Variants in AUTS2 observed in about 807,000 individuals in gnomAD.
The protein encoded by AUTS2 is activator of transcription and developmental regulator AUTS2, also known as autism susceptibility gene 2 protein.
A neutral mutation model predicts 112.4 loss-of-function variants in AUTS2; 17 were observed. That is an observed-to-expected ratio of 0.15 (90% CI 0.10 to 0.23). The LOEUF (loss-of-function observed/expected upper bound fraction) is 0.23, where lower values mean the gene tolerates loss of function less well. Among genes scored for constraint, AUTS2 ranks in the 10% least tolerant of loss-of-function variants. The probability of loss-of-function intolerance (pLI) is 1.00; values close to 1 mark genes in which losing one functional copy is unlikely to be tolerated. For synonymous variants in AUTS2, 751 were observed against 702.7 expected (o/e 1.07, Z -1.09); for missense variants, 1,510 against 1,701.6 (o/e 0.89, Z 1.98).
At chr7:70,657,354 GC>G (rs1806826600) in intron 5 of AUTS2, among the ~76,000 whole-genome samples, 1 of 152,194 alleles carries the variant, frequency 6.6e-6, no homozygotes, top group African/African-American at 2.4e-5. Flanking sequence ...AGCAGAGTGA[GC>G]TGTAGAGTCT....
chr7:70,061,580 A>G (rs754380043), intron 2 of AUTS2, among the ~76,000 whole-genome samples: 1 of 152,104 alleles, frequency 6.6e-6, no homozygotes, highest in Non-Finnish European at 1.5e-5. Flanking sequence ...TCCTAATAAT[A>G]ATAGGTTGAA....
chr7:69,810,385 A>G (rs1332589545), intron 1 of AUTS2, among the ~76,000 whole-genome samples: 1 of 152,176 alleles, frequency 6.6e-6, no homozygotes, highest in African/African-American at 2.4e-5. Context: ...AATGTTTAGC[A>G]CAGTGCCTAG....
intron 5 of AUTS2, among the ~76,000 whole-genome samples, chr7:70,629,514 G>C (rs1038834478): frequency 2.6e-5 from 4 of 151,770 alleles, no homozygotes; most frequent in Non-Finnish European, 4.4e-5. Context: ...CTAAAAGCCA[G>C]CCCTTCTGTG....
intron 2 of AUTS2, among the ~76,000 whole-genome samples, chr7:69,905,563 G>GGA (rs372665985): frequency 7.1e-4 from 108 of 151,974 alleles, no homozygotes; most frequent in African/African-American, 2.4e-3. Flanking sequence ...CCCAGCTCTA[G>GGA]GAGAGAGAGA....
At chr7:69,767,044 G>A (rs1183615361) in intron 1 of AUTS2, among the ~76,000 whole-genome samples, 1 of 152,248 alleles carries the variant, frequency 6.6e-6, no homozygotes, top group Non-Finnish European at 1.5e-5. Context: ...GGAATGAGCT[G>A]CCCATAGGTC....
chr7:69,732,864 C>G (rs1320818390), intron 1 of AUTS2, among the ~76,000 whole-genome samples: 2 of 152,178 alleles, frequency 1.3e-5, no homozygotes, highest in Non-Finnish European at 2.9e-5. Context: ...AGCTTTTATT[C>G]TGCAAGGTTT....
chr7:70,705,490 C>T (rs1809688727), intron 6 of AUTS2, among the ~76,000 whole-genome samples: 1 of 152,304 alleles, frequency 6.6e-6, no homozygotes, highest in South Asian at 2.1e-4. Context: ...GAGCTAACAT[C>T]AAAGTATTTT....
chr7:69,945,362 G>A (rs1796768250), intron 2 of AUTS2, among the ~76,000 whole-genome samples: 1 of 152,058 alleles, frequency 6.6e-6, no homozygotes, highest in Non-Finnish European at 1.5e-5. Flanking sequence ...ATAATATGTT[G>A]TGTTTTATGA....
chr7:70,106,082 A>G (rs1373974952), intron 2 of AUTS2, among the ~76,000 whole-genome samples: 1 of 152,166 alleles, frequency 6.6e-6, no homozygotes, highest in African/African-American at 2.4e-5. Flanking sequence ...TTGCCCCTCA[A>G]TCAAAACTGA....
chr7:70,057,841 G>C (rs1478955274), intron 2 of AUTS2, among the ~76,000 whole-genome samples: 5 of 152,194 alleles, frequency 3.3e-5, no homozygotes, highest in Non-Finnish European at 7.3e-5. Context: ...TTACAGTGCT[G>C]GGTGCTCAAA....
chr7:69,684,437 C>G (rs1183260336), intron 1 of AUTS2, among the ~76,000 whole-genome samples: 1 of 152,166 alleles, frequency 6.6e-6, no homozygotes, highest in Non-Finnish European at 1.5e-5. Context: ...TCTTCACACC[C>G]TGTTGCCGTT....
At chr7:69,816,894 A>G (rs955324484) in intron 1 of AUTS2, among the ~76,000 whole-genome samples, 2 of 152,132 alleles carry the variant, frequency 1.3e-5, no homozygotes, top group African/African-American at 4.8e-5. Context: ...TCGTTCAGCA[A>G]GTTCTTGGTG....
intron 5 of AUTS2, among the ~76,000 whole-genome samples, chr7:70,453,463 G>A (rs573236355): frequency 3.3e-5 from 5 of 152,348 alleles, no homozygotes; most frequent in East Asian, 3.9e-4. Flanking sequence ...GGCTTTGTCC[G>A]TGTATTAGTT....
At chr7:70,650,348 C>T (rs1369697295) in intron 5 of AUTS2, among the ~76,000 whole-genome samples, 1 of 152,200 alleles carries the variant, frequency 6.6e-6, no homozygotes, top group East Asian at 1.9e-4. Flanking sequence ...CTGCCCACAG[C>T]ATGGCGCCAT....
intron 4 of AUTS2, among the ~76,000 whole-genome samples, chr7:70,151,906 A>G (rs529215331): frequency 1.1e-4 from 17 of 152,240 alleles, no homozygotes; most frequent in Admixed American, 2.6e-4. Context: ...AAATCAGTCA[A>G]TCAGAACTGA....
At position 70,738,939 on chromosome 7, in the gene AUTS2, C is replaced by T. The variant is rs116674628; in HGVS notation, c.743-23931C>T. Among the ~76,000 whole-genome samples the T allele has an allele frequency of 4.9e-3, 724 of 146,950 alleles. 2 individuals are homozygous for T. The highest frequency in any genetic ancestry group is 0.017 in the African/African-American group (680 of 40,292). On this transcript the variant is annotated intron_variant, in intron 6 of 18. Transcript: ENST00000342771. ...CCCATCCCCCACTTTGTAGACAACA[C>T]ATCTACTCAGAAGGTTTTAACTTAA...
chr7:70,589,660 GC>G (rs1386614436), intron 5 of AUTS2, among the ~76,000 whole-genome samples: 3 of 152,220 alleles, frequency 2.0e-5, no homozygotes, highest in African/African-American at 7.2e-5. Context: ...GTTGCAGTGA[GC>G]CGAGATTATG....
chr7:70,346,410 A>G (rs1391860454), intron 4 of AUTS2, among the ~76,000 whole-genome samples: 1 of 152,092 alleles, frequency 6.6e-6, no homozygotes, highest in African/African-American at 2.4e-5. Flanking sequence ...CTGATCTGAC[A>G]CCCTCTTAAA....
intron 1 of AUTS2, among the ~76,000 whole-genome samples, chr7:69,860,346 T>TA (rs1362536061): frequency 2.0e-5 from 3 of 152,004 alleles, no homozygotes; most frequent in East Asian, 1.9e-4. Flanking sequence ...ATCAGGGATT[T>TA]AAAAAAAACT....
Sources: gnomAD v4.1 joint callset for allele counts (sites outside exome capture counted in the v4.1 genomes callset) on GRCh38, gnomAD v4.1.1 for gene constraint, MANE v1.5 for transcripts, NCBI Gene and HGNC (gene_info 2026-07-23, HGNC 2026-07-21) for gene names.